TIAM1: variants seen among roughly 807,000 people sequenced by gnomAD.
TIAM1 encodes TIAM Rac1 associated GEF 1.
Under a neutral mutation model 163.5 loss-of-function variants are expected in TIAM1, and 65 were observed. That is an observed-to-expected ratio of 0.40 (90% CI 0.33 to 0.49). The LOEUF (loss-of-function observed/expected upper bound fraction) is 0.49. Among genes scored for constraint, TIAM1 ranks in the 20% least tolerant of loss-of-function variants. TIAM1 has a pLI of 0.77. For missense variants in TIAM1, 1,789 were observed against 2,044.7 expected (o/e 0.87, Z 2.41); for synonymous variants, 833 against 810.1 (o/e 1.03, Z -0.48).
At chr21:31,247,975 C>A (rs1462417178) in intron 5 of TIAM1, among the ~76,000 whole-genome samples, 1 of 152,174 alleles carries the variant, frequency 6.6e-6, no homozygotes, top group Admixed American at 6.5e-5. Context: ...TTGGCAATGT[C>A]TGGTGACCTT....
chr21:31,201,288 A>G (rs954921191), intron 12 of TIAM1, among the ~76,000 whole-genome samples: 1 of 152,180 alleles, frequency 6.6e-6, no homozygotes, highest in Admixed American at 6.5e-5. Context: ...CCTTTTCCCC[A>G]GGCCAGAAAA....
chr21:31,152,808 C>G (rs372083845), intron 18 of TIAM1, 47 bp from the exon 19 acceptor site: 1 of 1,594,964 alleles, frequency 6.3e-7, no homozygotes, highest in African/African-American at 1.4e-5. Context: ...CATTAGTCTT[C>G]CTAAACGTTA....
At chr21:31,291,378 T>C (rs2074013577) in intron 2 of TIAM1, among the ~76,000 whole-genome samples, 1 of 152,190 alleles carries the variant, frequency 6.6e-6, no homozygotes, top group Non-Finnish European at 1.5e-5. Context: ...CAGCTTCCAA[T>C]CCAGAAAGTC....
intron 14 of TIAM1, among the ~76,000 whole-genome samples, chr21:31,184,874 G>A (rs550550207): frequency 2.6e-5 from 4 of 152,098 alleles, no homozygotes; most frequent in Admixed American, 6.6e-5. Context: ...TTTCTCACTC[G>A]TCACACCTTT....
At chr21:31,485,527 G>A (rs1198213053) in intron 1 of TIAM1, among the ~76,000 whole-genome samples, 3 of 152,072 alleles carry the variant, frequency 2.0e-5, no homozygotes, top group Non-Finnish European at 4.4e-5. Flanking sequence ...GCTAACTCTG[G>A]GATAACAGAT....
Position 31,266,642 on chromosome 21 carries a change from T to C in TIAM1, c.331A>G (p.Ser111Gly), listed in dbSNP as rs769709195. The C allele has an allele frequency of 6.2e-7, 1 of 1,614,220 alleles. No individual in the cohort carries two copies. Among genetic ancestry groups the C allele is most frequent in the East Asian group, 2.2e-5 (1 of 44,878 alleles). ...GTGAGGACGATGCTGCTGTCTACGC[T>C]GGGAGTGACAGAAGAGTCAGTGTAA... ...VSYTDSSVTP[S>G]VDSSIVLTAA... The change falls in exon 4 of 28, where the codon AGC (serine) becomes GGC (glycine). Residue 111 changes from serine to glycine, a missense_variant. Physicochemically the swap from Ser to Gly is moderately conservative, Grantham distance 56. Transcript: ENST00000541036.
At chr21:31,174,991 T>A (rs970339824) in intron 15 of TIAM1, among the ~76,000 whole-genome samples, 2 of 152,158 alleles carry the variant, frequency 1.3e-5, no homozygotes, top group Non-Finnish European at 2.9e-5. Flanking sequence ...TCTCACAGGC[T>A]GTGTGTAGTG....
At chr21:31,347,717 C>G (rs569963779), upstream of TIAM1, among the ~76,000 whole-genome samples, 111 of 152,212 alleles carry the variant, frequency 7.3e-4, 1 homozygote, top group Middle Eastern at 6.8e-3. Flanking sequence ...CACATCACCG[C>G]AAAAGAAAAG....
intron 2 of TIAM1, among the ~76,000 whole-genome samples, chr21:31,461,975 T>C (rs1164010643): frequency 6.6e-6 from 1 of 152,210 alleles, no homozygotes; most frequent in African/African-American, 2.4e-5. Context: ...CCAGTTTTGA[T>C]ACTTTAAAGC....
At chr21:31,296,915 G>A (rs1327605172) in intron 2 of TIAM1, among the ~76,000 whole-genome samples, 3 of 152,206 alleles carry the variant, frequency 2.0e-5, no homozygotes, top group East Asian at 3.9e-4. Context: ...CGCCCGCCTT[G>A]GCCTCCCAAA....
At chr21:31,219,781 A>G (rs1333618464) in intron 8 of TIAM1, among the ~76,000 whole-genome samples, 1 of 152,212 alleles carries the variant, frequency 6.6e-6, no homozygotes, top group South Asian at 2.1e-4. Flanking sequence ...GCATAGAAAA[A>G]TGTGGTATCC....
intron 6 of TIAM1, among the ~76,000 whole-genome samples, chr21:31,233,141 A>G (rs2088533282): frequency 6.6e-6 from 1 of 152,204 alleles, no homozygotes; most frequent in South Asian, 2.1e-4. Flanking sequence ...AGGGAAATTC[A>G]TTTTAAACAC....
At chr21:31,304,972 C>T (rs572120893) in intron 2 of TIAM1, among the ~76,000 whole-genome samples, 10 of 152,272 alleles carry the variant, frequency 6.6e-5, no homozygotes, top group East Asian at 1.9e-4. Context: ...GGATTATAGG[C>T]GTGAGCCCAC....
chr21:31,305,145 T>C (rs1230329424), intron 2 of TIAM1, among the ~76,000 whole-genome samples: 1 of 152,232 alleles, frequency 6.6e-6, no homozygotes. Context: ...AACAAAGATG[T>C]GCAACTAGAA....
At chr21:31,340,202 T>C (rs1351264988) in intron 1 of TIAM1, among the ~76,000 whole-genome samples, 1 of 151,478 alleles carries the variant, frequency 6.6e-6, no homozygotes, top group Non-Finnish European at 1.5e-5. Flanking sequence ...AAATAAATGC[T>C]AAGTAATTAT....
intron 2 of TIAM1, among the ~76,000 whole-genome samples, chr21:31,328,540 ATTATTT>A (rs535821857): frequency 1.0e-3 from 155 of 150,928 alleles, no homozygotes; most frequent in African/African-American, 3.6e-3. Flanking sequence ...CTGGCTTATT[ATTATTT>A]TTTTTTTTTA....
chr21:31,121,198 C>T (rs1439425576), intron 27 of TIAM1, among the ~76,000 whole-genome samples: 1 of 152,142 alleles, frequency 6.6e-6, no homozygotes, highest in Non-Finnish European at 1.5e-5. Flanking sequence ...CTCAAGTAGA[C>T]AGACCACTGA....
Position 31,118,642 on chromosome 21 carries a change from G to C in TIAM1, c.*1726C>G. The C allele has an allele frequency of 2.1e-6, 1 of 471,144 alleles. No individual in the cohort carries two copies. The highest frequency in any genetic ancestry group is 1.6e-5 in the South Asian group (1 of 64,494). 29.2% of individuals were successfully genotyped at this position (471,144 alleles called of 1,614,324 possible). The stretch of plus-strand genomic sequence containing the variant: ...TTGCACTGGAGCCAGTAAATGCGAC[G>C]ATTAGAAGCCTCTGCTTCCGTTTTC... On this transcript the variant is annotated 3_prime_UTR_variant, in exon 28 of 28. Transcript: ENST00000541036.
At chr21:31,128,862 A>G (rs904670024) in intron 25 of TIAM1, among the ~76,000 whole-genome samples, 5 of 152,202 alleles carry the variant, frequency 3.3e-5, no homozygotes, top group Non-Finnish European at 5.9e-5. Context: ...AGAGTAACTC[A>G]AAGTGTGCAA....
Sources: gnomAD v4.1 joint callset for allele counts (sites outside exome capture counted in the v4.1 genomes callset) on GRCh38, gnomAD v4.1.1 for gene constraint, MANE v1.5 for transcripts, NCBI Gene and HGNC (gene_info 2026-07-23, HGNC 2026-07-21) for gene names.